The following DIPK1B variants were observed in gnomAD, a reference collection of about 807,000 sequenced individuals.
DIPK1B encodes divergent protein kinase domain 1B.
In DIPK1B, 17 loss-of-function variants were observed where a neutral mutation model predicts 20.7. The ratio of observed to expected loss-of-function variants is 0.82; its 90% CI spans 0.56 to 1.23. The LOEUF (loss-of-function observed/expected upper bound fraction) is 1.23, where lower values mean the gene tolerates loss of function less well. Ranked by LOEUF, DIPK1B falls within the 50% of genes most tolerant of loss-of-function variation. The pLI is 0.00. For missense variants in DIPK1B, 648 were observed against 601.8 expected (o/e 1.08, Z -0.80); for synonymous variants, 343 against 276.5 (o/e 1.24, Z -2.39).
intron 2 of DIPK1B, among the ~76,000 whole-genome samples, chr9:136,720,479 C>CCG (rs1846580979): frequency 6.6e-6 from 1 of 152,268 alleles, no homozygotes; most frequent in South Asian, 2.1e-4. Flanking sequence ...CTCCCCCCCC[C>CCG]AGAGGGGCGG....
chr9:136,712,790 C>A lies in DIPK1B; in HGVS notation c.63+62C>A. The A allele has an allele frequency of 8.3e-7, 1 of 1,198,364 alleles. No individual in the cohort carries two copies. Among genetic ancestry groups the A allele is most frequent in the South Asian group, 2.6e-5 (1 of 38,412 alleles). 74.2% of individuals were successfully genotyped at this position (1,198,364 alleles called of 1,614,324 possible). A position where few individuals can be genotyped will look rare whatever the true frequency, so the allele number is the denominator to read the frequency against. ...CTGCCTGGGGAGGCCGAGCTCCAGC[C>A]CCGGAGTGGGCCGAGTACGGAGCGG... On this transcript the variant is annotated intron_variant, in intron 1 of 4. Coordinates refer to ENST00000371692, the MANE Select transcript of DIPK1B (RefSeq NM_152421.4). This position sits in a 1 kb window ranked among gnomAD's most constrained non-coding sequence, Gnocchi z 5.6.
At chr9:136,716,385 A>G (rs1362801893) in intron 1 of DIPK1B, among the ~76,000 whole-genome samples, 2 of 149,154 alleles carry the variant, frequency 1.3e-5, no homozygotes, top group Admixed American at 6.9e-5. Flanking sequence ...CTCCAGCCTC[A>G]GCCTCCCAAG....
chr9:136,717,729 G>C lies in DIPK1B; in HGVS notation c.198+18G>C, dbSNP rs541631653. 8.1e-5 allele frequency: 130 copies of C among 1,610,304 alleles called. 3 individuals carry two copies. The South Asian group carries it at 1.4e-3, about 17-fold the overall frequency. Reference sequence around the variant, plus strand: ...TGGTCATTGTAAGTGTTGCTTGTGCGGGCTGGGGACTGGGCCGTGCCCCCT... The same window carrying C: ...TGGTCATTGTAAGTGTTGCTTGTGCCGGCTGGGGACTGGGCCGTGCCCCCT... On this transcript the variant is annotated intron_variant, in intron 2 of 4. Transcript: ENST00000371692.
chr9:136,714,087 G>T (rs1370801684), intron 1 of DIPK1B, among the ~76,000 whole-genome samples: 1 of 152,224 alleles, frequency 6.6e-6, no homozygotes, highest in Non-Finnish European at 1.5e-5. Context: ...GAGCCAGGGT[G>T]GGCCAGGGAG....
intron 1 of DIPK1B, among the ~76,000 whole-genome samples, chr9:136,717,011 C>A (rs547538589): frequency 6.6e-6 from 1 of 152,158 alleles, no homozygotes; most frequent in Non-Finnish European, 1.5e-5. Context: ...GGTAGATCAC[C>A]TGAGGTCCGG....
In DIPK1B at chr9:136,723,100, C is replaced by T; in HGVS notation, c.622C>T (p.Leu208=). The T allele has an allele frequency of 6.2e-7, 1 of 1,613,626 alleles. No homozygotes were observed. Among genetic ancestry groups the T allele is most frequent in the Non-Finnish European group, 8.5e-7 (1 of 1,180,032 alleles). The change falls in exon 5 of 5, where the codon CTG becomes TTG. Residue 208 remains leucine, a synonymous_variant. Coordinates refer to ENST00000371692, the MANE Select transcript of DIPK1B (RefSeq NM_152421.4). Reference sequence around the variant, plus strand: ...CCTGCTGCAGCGTAACGAGTTCCTGCTGCTGCTGTCCCTGCAGGAGAAGGA... The same window carrying T: ...CCTGCTGCAGCGTAACGAGTTCCTGTTGCTGCTGTCCCTGCAGGAGAAGGA... The part of the protein sequence containing the change: ...WALLQRNEFL[L]LLSLQEKEHA...
intron 2 of DIPK1B, among the ~76,000 whole-genome samples, chr9:136,718,451 A>G (rs907447118): frequency 2.8e-4 from 43 of 151,282 alleles, no homozygotes; most frequent in Non-Finnish European, 4.4e-5. Context: ...ACGTGTCCAC[A>G]TGAGTGCACA....
chr9:136,716,360 C>T (rs1014549128), intron 1 of DIPK1B, among the ~76,000 whole-genome samples: 1 of 151,482 alleles, frequency 6.6e-6, no homozygotes, highest in Admixed American at 6.6e-5. Context: ...TTCAACCTCC[C>T]GGGTTCAATC....
Position 136,712,862 on chromosome 9 carries a change from C to A in DIPK1B, c.63+134C>A. On this transcript the variant is annotated intron_variant, in intron 1 of 4. Transcript: ENST00000371692. This position sits in a 1 kb window ranked among gnomAD's most constrained non-coding sequence, Gnocchi z 5.6. ...GGGTTCATGAGCCCGGGGTGGGCAG[C>A]GGGGAGGGGGCGAGTGGCTCCGGAA... The A allele has an allele frequency of 2.3e-6, 1 of 430,216 alleles. No individual in the cohort carries two copies. The highest frequency in any genetic ancestry group is 3.5e-6 in the Non-Finnish European group (1 of 287,350). 26.6% of individuals were successfully genotyped at this position (430,216 alleles called of 1,614,324 possible). A position where few individuals can be genotyped will look rare whatever the true frequency, so the allele number is the denominator to read the frequency against.
chr9:136,720,226 T>C (rs546895611), intron 2 of DIPK1B, among the ~76,000 whole-genome samples: 1 of 152,304 alleles, frequency 6.6e-6, no homozygotes, highest in African/African-American at 2.4e-5. Context: ...CTTTTCTGTC[T>C]TGACGAAGAG....
rs1846445628 is a variant in DIPK1B, at chr9:136,712,832, A to G, written c.63+104A>G. The G allele has an allele frequency of 1.3e-6, 1 of 758,138 alleles. No homozygotes were observed. Among genetic ancestry groups the G allele is most frequent in the Admixed American group, 4.9e-5 (1 of 20,280 alleles). 47.0% of individuals were successfully genotyped at this position (758,138 alleles called of 1,614,324 possible). ...ACGGAGCGGGGCCCCGGGTTCGGAC[A>G]CGAAGGGTTCATGAGCCCGGGGTGG... On this transcript the variant is annotated intron_variant, in intron 1 of 4. Transcript: ENST00000371692. The surrounding 1 kb of genome is among the most constrained non-coding windows in gnomAD (Gnocchi z 5.6).
In DIPK1B at chr9:136,724,664, T is replaced by TA. The variant is rs1846675969; in HGVS notation, c.*893dup. 1 of 152,248 alleles carries TA rather than the reference T, an allele frequency of 6.6e-6. No individual in the cohort carries two copies. Among genetic ancestry groups the TA allele is most frequent in the African/African-American group, 2.4e-5 (1 of 41,472 alleles). 9.4% of individuals were successfully genotyped at this position (152,248 alleles called of 1,614,324 possible). On this transcript the variant is annotated 3_prime_UTR_variant, in exon 5 of 5. Coordinates refer to ENST00000371692, the MANE Select transcript of DIPK1B (RefSeq NM_152421.4). ...TATTATCCTTAAAGAAATGTGCATTTAAATCTTTTAATTCACTTCATCCTG... is the reference window on the plus strand; with the variant it reads ...TATTATCCTTAAAGAAATGTGCATTTAAAATCTTTTAATTCACTTCATCCTG...
intron 1 of DIPK1B, among the ~76,000 whole-genome samples, chr9:136,715,866 C>T (rs1846489056): frequency 6.6e-6 from 1 of 152,068 alleles, no homozygotes; most frequent in Non-Finnish European, 1.5e-5. Context: ...TCATCTTAAC[C>T]CTGTTTAAGG....
rs1485788087 is a variant in DIPK1B, at chr9:136,723,705, T to G, written c.1227T>G (p.His409Gln). 6.5e-7 allele frequency: 1 copy of G among 1,538,200 alleles called. No individual in the cohort carries two copies. Among genetic ancestry groups the G allele is most frequent in the Non-Finnish European group, 8.7e-7 (1 of 1,147,126 alleles). ...GGCTGGCCAGCCAGGTGGAGGCCCA[T>G]CACTCGCTGGTGCTCAGCCACCTCA... Reference protein sequence around the residue: ...LSGLASQVEAHHSLVLSHLKT... With the variant: ...LSGLASQVEAQHSLVLSHLKT... The change falls in exon 5 of 5, where the codon CAT becomes CAG. Residue 409 changes from histidine to glutamine, a missense_variant. By Grantham distance (24) the His-to-Gln change is conservative (BLOSUM62 0). Coordinates refer to ENST00000371692, the MANE Select transcript of DIPK1B (RefSeq NM_152421.4).
chr9:136,724,003 G>C lies in DIPK1B; in HGVS notation c.*229G>C. On this transcript the variant is annotated 3_prime_UTR_variant, in exon 5 of 5. Transcript: ENST00000371692. Reference sequence around the variant, plus strand: ...GTCCTCCAAGGGGGTTTGTTACTCTGAAGAACGTAATGTCAATAAACAGCT... The same window carrying C: ...GTCCTCCAAGGGGGTTTGTTACTCTCAAGAACGTAATGTCAATAAACAGCT... The C allele has an allele frequency of 1.7e-6, 1 of 580,270 alleles. No homozygotes were observed. 35.9% of individuals were successfully genotyped at this position (580,270 alleles called of 1,614,324 possible).
Position 136,714,982 on chromosome 9 carries a change from G to A in DIPK1B, c.63+2254G>A, listed in dbSNP as rs573983855. ...GGAGCTGGTGGCCCCATTTTAGGGAGGAGTCCCCTGCTCACGGCCTAAGCC... is the reference window on the plus strand; with the variant it reads ...GGAGCTGGTGGCCCCATTTTAGGGAAGAGTCCCCTGCTCACGGCCTAAGCC... On this transcript the variant is annotated intron_variant, in intron 1 of 4. Coordinates refer to ENST00000371692, the MANE Select transcript of DIPK1B (RefSeq NM_152421.4). Among the ~76,000 whole-genome samples, 3 of 152,396 alleles carry A rather than the reference G, an allele frequency of 2.0e-5. No homozygotes were observed. In the South Asian group the frequency reaches 6.2e-4, roughly 32 times the overall value.
chr9:136,723,909 G>A lies in DIPK1B; in HGVS notation c.*135G>A, dbSNP rs1846662579. On this transcript the variant is annotated 3_prime_UTR_variant, in exon 5 of 5. Transcript: ENST00000371692. ...ATCACTCCCCTACCGTCAGGGCTCT[G>A]GATTCCAGCACCACAGACATGAGAC... is the stretch of plus-strand genomic sequence containing the variant. The A allele has an allele frequency of 3.2e-6, 3 of 926,980 alleles. No individual in the cohort carries two copies. The Admixed American group carries it at 8.0e-5, about 25-fold the overall frequency. 57.4% of individuals were successfully genotyped at this position (926,980 alleles called of 1,614,324 possible).
intron 4 of DIPK1B, 106 bp from the exon 5 acceptor site, chr9:136,722,856 G>A: frequency 1.7e-6 from 2 of 1,185,400 alleles, no homozygotes; most frequent in Non-Finnish European, 1.2e-6. Flanking sequence ...CAGATGTGCT[G>A]GTCTGGCCGG....
In DIPK1B at chr9:136,723,892, C is replaced by T. The variant is rs995502978; in HGVS notation, c.*118C>T. On this transcript the variant is annotated 3_prime_UTR_variant, in exon 5 of 5. Transcript: ENST00000371692. ...TGCAACTGTGTTGCAAAATCACTCC[C>T]CTACCGTCAGGGCTCTGGATTCCAG... 2.8e-6 allele frequency: 3 copies of T among 1,076,954 alleles called. No homozygotes were observed. The highest frequency in any genetic ancestry group is 2.5e-5 in the Admixed American group (1 of 39,632). The allele number at this position is 1,076,954 out of a possible 1,614,324, so 66.7% of individuals were successfully genotyped here. A position where few individuals can be genotyped will look rare whatever the true frequency, so the allele number is the denominator to read the frequency against.
Sources: allele counts gnomAD v4.1 joint callset (sites outside exome capture counted in the v4.1 genomes callset), GRCh38; gene constraint gnomAD v4.1.1; non-coding constraint Gnocchi (gnomAD v3.1); transcripts MANE v1.5; gene names NCBI Gene and HGNC (gene_info 2026-07-23, HGNC 2026-07-21).